Variants in IL1RAPL2 observed in about 807,000 individuals in gnomAD.
IL1RAPL2 encodes the protein interleukin 1 receptor accessory protein like 2.
In IL1RAPL2, 3 loss-of-function variants were observed where a neutral mutation model predicts 44.1. The observed-to-expected ratio is 0.07, with a 90% confidence interval of 0.03 to 0.18. The LOEUF is 0.18. Ranked by LOEUF, IL1RAPL2 falls within the 10% of genes least tolerant of loss-of-function variation. The pLI, the probability that IL1RAPL2 is intolerant of heterozygous loss-of-function variation, is 1.00. For missense variants in IL1RAPL2, 391 were observed against 496.4 expected (o/e 0.79, Z 2.02); for synonymous variants, 181 against 178.8 (o/e 1.01, Z -0.10).
intron 2 of IL1RAPL2, among the ~76,000 whole-genome samples, chrX:104,941,151 C>T (rs778508779): frequency 3.6e-5 from 4 of 110,283 alleles, no homozygotes; most frequent in African/African-American, 3.3e-5. Context: ...TGAATAGTGC[C>T]GCAATAAACA....
At chrX:105,107,513 C>T (rs1014384349) in intron 2 of IL1RAPL2, among the ~76,000 whole-genome samples, 6 of 112,064 alleles carry the variant, frequency 5.4e-5, no homozygotes, top group Middle Eastern at 4.6e-3. Context: ...GTAAGATGGA[C>T]GAATTCACTG....
At chrX:105,170,712 A>G (rs1004932441) in intron 2 of IL1RAPL2, among the ~76,000 whole-genome samples, 1 of 112,281 alleles carries the variant, frequency 8.9e-6, no homozygotes, top group African/African-American at 3.2e-5. Flanking sequence ...CTGCCAGTCA[A>G]GAAATTTCTT....
At chrX:105,715,705 G>A (rs1238434672) in intron 6 of IL1RAPL2, among the ~76,000 whole-genome samples, 1 of 111,274 alleles carries the variant, frequency 9.0e-6, no homozygotes, top group Admixed American at 9.6e-5. Flanking sequence ...AGTTAGAGCA[G>A]ATCCCAGCAA....
At chrX:104,963,323 C>T (rs1431664324) in intron 2 of IL1RAPL2, among the ~76,000 whole-genome samples, 1 of 111,848 alleles carries the variant, frequency 8.9e-6, no homozygotes, top group Non-Finnish European at 1.9e-5. Flanking sequence ...TTTGATCTTC[C>T]AACCAAGGAG....
chrX:105,665,344 C>CGTGTGTGTGT (rs58453498), intron 6 of IL1RAPL2, among the ~76,000 whole-genome samples: 5 of 98,553 alleles, frequency 5.1e-5, no homozygotes, highest in South Asian at 5.1e-4. Flanking sequence ...TATGCGCGTG[C>CGTGTGTGTGT]GTGTGTGTGT....
At chrX:104,685,769 TA>T (rs969112511) in intron 2 of IL1RAPL2, among the ~76,000 whole-genome samples, 5 of 107,714 alleles carry the variant, frequency 4.6e-5, no homozygotes, top group South Asian at 4.1e-4. Context: ...TCAAGTGTAA[TA>T]AAAAAAAATT....
intron 3 of IL1RAPL2, among the ~76,000 whole-genome samples, chrX:105,217,037 G>A (rs1556166989): frequency 9.3e-6 from 1 of 107,955 alleles, no homozygotes; most frequent in African/African-American, 3.4e-5. Flanking sequence ...CAGGACATAG[G>A]CATGGGCAAG....
intron 2 of IL1RAPL2, among the ~76,000 whole-genome samples, chrX:104,711,816 A>C (rs1373152721): frequency 9.0e-6 from 1 of 111,266 alleles, no homozygotes; most frequent in Non-Finnish European, 1.9e-5. Context: ...AAATCTCTAG[A>C]ATAAATGTAG....
At chrX:104,910,173 G>GCGCTTCC (rs1287789988) in intron 2 of IL1RAPL2, among the ~76,000 whole-genome samples, 1 of 112,354 alleles carries the variant, frequency 8.9e-6, no homozygotes, top group African/African-American at 3.2e-5. Flanking sequence ...CTGACCCCTT[G>GCGCTTCC]CGCTTCCCGA....
intron 2 of IL1RAPL2, among the ~76,000 whole-genome samples, chrX:105,069,314 T>A (rs2032177359): frequency 8.9e-6 from 1 of 112,801 alleles, no homozygotes; most frequent in Non-Finnish European, 1.9e-5. Flanking sequence ...AAATATTAAG[T>A]GAATAAAAAT....
intron 2 of IL1RAPL2, among the ~76,000 whole-genome samples, chrX:104,912,393 GT>G (rs1924271146): frequency 9.1e-6 from 1 of 110,303 alleles, no homozygotes; most frequent in African/African-American, 3.3e-5. Flanking sequence ...TATACCACAT[GT>G]TTTTATGTGC....
intron 2 of IL1RAPL2, among the ~76,000 whole-genome samples, chrX:104,736,698 C>T (rs1932019126): frequency 2.7e-5 from 3 of 112,314 alleles, no homozygotes; most frequent in Non-Finnish European, 5.6e-5. Context: ...TTAACCTCTG[C>T]TGAAGAACAA....
At position 105,339,374 on chromosome X, in the gene IL1RAPL2, G is replaced by T. The variant is rs751792814; in HGVS notation, c.697+71833G>T. ...TAATAGCTCATCTCAGATTTTAGTT[G>T]TTGGAATTCTCTCAGCAGATATATT... On this transcript the variant is annotated intron_variant, in intron 5 of 10. Coordinates refer to ENST00000372582, the MANE Select transcript of IL1RAPL2 (RefSeq NM_017416.2). 2.7e-5 allele frequency among the ~76,000 whole-genome samples: 3 copies of T among 111,624 alleles called. No individual in the cohort carries two copies. In the South Asian group the frequency reaches 1.1e-3, roughly 42 times the overall value.
rs778865901 is a variant in IL1RAPL2, at chrX:105,031,313, T to C, written c.83-164162T>C. On this transcript the variant is annotated intron_variant, in intron 2 of 10. Coordinates refer to ENST00000372582, the MANE Select transcript of IL1RAPL2 (RefSeq NM_017416.2). The stretch of plus-strand genomic sequence containing the variant: ...GGAGTGGTGAGAGAGGGCATCCCTG[T>C]CTTGTGCCAGTTTTCAAAGGGAATG... Among the ~76,000 whole-genome samples the C allele has an allele frequency of 6.0e-4, 65 of 108,262 alleles. No individual in the cohort carries two copies. In the Middle Eastern group the frequency reaches 0.023, roughly 39 times the overall value. The allele number at this position is 108,262 out of a possible 115,157, so 94.0% of individuals were successfully genotyped here. A position where few individuals can be genotyped will look rare whatever the true frequency, so the allele number is the denominator to read the frequency against.
At chrX:104,904,270 T>C (rs1720157230) in intron 2 of IL1RAPL2, among the ~76,000 whole-genome samples, 1 of 110,657 alleles carries the variant, frequency 9.0e-6, no homozygotes, top group African/African-American at 3.3e-5. Context: ...CATACACATA[T>C]ATACATATGT....
chrX:104,632,016 G>A (rs1305598323), intron 1 of IL1RAPL2, among the ~76,000 whole-genome samples: 2 of 111,160 alleles, frequency 1.8e-5, no homozygotes, highest in Admixed American at 1.9e-4. Flanking sequence ...ATTAATTTTT[G>A]TATAAGGTGT....
At chrX:104,782,973 T>C (rs1020840949) in intron 2 of IL1RAPL2, among the ~76,000 whole-genome samples, 1 of 111,950 alleles carries the variant, frequency 8.9e-6, no homozygotes, top group African/African-American at 3.2e-5. Flanking sequence ...GAGTAGTTAG[T>C]AGTAGCTTTT....
intron 2 of IL1RAPL2, among the ~76,000 whole-genome samples, chrX:104,730,379 C>G (rs1427633591): frequency 4.1e-5 from 3 of 72,802 alleles, no homozygotes; most frequent in South Asian, 7.2e-4. Context: ...CCCTCCCCCC[C>G]ACCCCAGAAC....
Position 104,799,687 on chromosome X carries a change from A to G in IL1RAPL2, c.82+140692A>G, listed in dbSNP as rs759035086. ...ATGTATATCTCCAAGTGATTTTTAAATTATTTTTAATTGACAATAATTGTG... is the reference window on the plus strand; with the variant it reads ...ATGTATATCTCCAAGTGATTTTTAAGTTATTTTTAATTGACAATAATTGTG... On this transcript the variant is annotated intron_variant, in intron 2 of 10. Coordinates refer to ENST00000372582, the MANE Select transcript of IL1RAPL2 (RefSeq NM_017416.2). Among the ~76,000 whole-genome samples, 121 of 112,063 alleles carry G rather than the reference A, an allele frequency of 1.1e-3. No homozygotes were observed. The Middle Eastern group carries it at 0.028, about 26-fold the overall frequency.
Sources: allele counts gnomAD v4.1 joint callset (sites outside exome capture counted in the v4.1 genomes callset), GRCh38; gene constraint gnomAD v4.1.1; transcripts MANE v1.5; gene names NCBI Gene and HGNC (gene_info 2026-07-23, HGNC 2026-07-21).